UGT1A3: variants seen among roughly 807,000 people sequenced by gnomAD.
The protein encoded by UGT1A3 is UDP glucuronosyltransferase family 1 member A3, also known as UDP-glucuronosyltransferase 1A3.
In UGT1A3, 31 loss-of-function variants were observed where a neutral mutation model predicts 41.0. The observed-to-expected ratio is 0.76, with a 90% CI of 0.57 to 1.02. UGT1A3 has a LOEUF of 1.02. UGT1A3 is among the 50% of genes least tolerant of loss of function. UGT1A3 has a pLI of 0.00. For missense variants in UGT1A3, 737 were observed against 671.0 expected (o/e 1.10, Z -1.09); for synonymous variants, 262 against 257.6 (o/e 1.02, Z -0.17).
chr2:233,764,393 C>G (rs1698551622), intron 1 of UGT1A3, among the ~76,000 whole-genome samples: 7 of 152,218 alleles, frequency 4.6e-5, no homozygotes. Context: ...GCCGTGATGA[C>G]AACTTCTCTG....
intron 1 of UGT1A3, among the ~76,000 whole-genome samples, chr2:233,761,318 C>T (rs1697742330): frequency 6.6e-6 from 1 of 152,218 alleles, no homozygotes; most frequent in South Asian, 2.1e-4. Context: ...TTGGCATCAT[C>T]TTCTGGATGA....
chr2:233,768,011 A>C lies in UGT1A3; in HGVS notation c.1087+75A>C, dbSNP rs1159299269. On this transcript the variant is annotated intron_variant, in intron 3 of 4. Coordinates refer to ENST00000482026, the MANE Select transcript of UGT1A3 (RefSeq NM_019093.4). ...AAATGGCTTAAGCACAGCTATTCTA[A>C]AGGATTGTTGAGCTTGAAAATATTA... 8 of 1,613,860 alleles carry C rather than the reference A, an allele frequency of 5.0e-6. No individual in the cohort carries two copies. In the East Asian group the frequency reaches 1.8e-4, roughly 36 times the overall value.
At chr2:233,772,194 T>C (rs921300076) in intron 4 of UGT1A3, 68 bp from the exon 5 acceptor site, 7 of 1,602,000 alleles carry the variant, frequency 4.4e-6, no homozygotes, top group Non-Finnish European at 6.0e-6. Context: ...TAAGCAGCCA[T>C]GAGCATAAAG....
chr2:233,729,337 G>C lies in UGT1A3; in HGVS notation c.211G>C (p.Glu71Gln), dbSNP rs775234844. ...LTPEVNMHIK[E>Q]ENFFTLTTYA... ...CCCAGAGGTGAATATGCACATCAAA[G>C]AAGAGAACTTTTTCACCCTGACAAC... The change falls in exon 1 of 5, where the codon GAA becomes CAA. Residue 71 changes from glutamate to glutamine, a missense_variant. By Grantham distance (29) the Glu-to-Gln change is conservative. Transcript: ENST00000482026. The C allele has an allele frequency of 6.8e-6, 11 of 1,614,232 alleles. No homozygotes were observed. Among genetic ancestry groups the C allele is most frequent in the African/African-American group, 5.3e-5 (4 of 75,078 alleles).
At chr2:233,747,515 T>C in intron 1 of UGT1A3, 2 of 1,607,616 alleles carry the variant, frequency 1.2e-6, no homozygotes, top group Non-Finnish European at 1.7e-6. Context: ...AACTGTACTT[T>C]GAAACAGAAC....
In UGT1A3 at chr2:233,772,305, C is replaced by T. The variant is rs201427749; in HGVS notation, c.1351C>T (p.Arg451Cys). Reference protein sequence around the residue: ...IMRLSSLHKDRPVEPLDLAVF... With the variant: ...IMRLSSLHKDCPVEPLDLAVF... Reference sequence around the variant, plus strand: ...GCGCCTCTCCAGCCTTCACAAGGACCGCCCGGTGGAGCCGCTGGACCTGGC... The same window carrying T: ...GCGCCTCTCCAGCCTTCACAAGGACTGCCCGGTGGAGCCGCTGGACCTGGC... Residue 451 changes from arginine to cysteine, a missense_variant, in exon 5 of 5, where the codon CGC (arginine) becomes TGC (cysteine). Physicochemically the swap from Arg to Cys is radical, Grantham distance 180. Transcript: ENST00000482026. 2.9e-5 allele frequency: 47 copies of T among 1,614,194 alleles called. No individual in the cohort carries two copies. Among genetic ancestry groups the T allele is most frequent in the Middle Eastern group, 1.6e-4 (1 of 6,062 alleles).
chr2:233,753,954 T>C (rs1695355745), intron 1 of UGT1A3, among the ~76,000 whole-genome samples: 2 of 152,202 alleles, frequency 1.3e-5, no homozygotes, highest in Admixed American at 1.3e-4. Flanking sequence ...ACCTCCAAAA[T>C]ATTAAGAGAA....
chr2:233,762,650 A>G (rs1191446046), intron 1 of UGT1A3, among the ~76,000 whole-genome samples: 5 of 151,336 alleles, frequency 3.3e-5, no homozygotes, highest in Admixed American at 2.6e-4. Context: ...AAGATAAGCT[A>G]TTTTGTAGTT....
At chr2:233,757,716 G>A (rs1426066067) in intron 1 of UGT1A3, among the ~76,000 whole-genome samples, 1 of 151,612 alleles carries the variant, frequency 6.6e-6, no homozygotes, top group African/African-American at 2.4e-5. Context: ...TCCCGGGAGG[G>A]TCCTGTAGAT....
Position 233,768,226 on chromosome 2 carries a change from C to A in UGT1A3, c.1094C>A (p.Pro365Gln). The A allele has an allele frequency of 6.2e-7, 1 of 1,614,202 alleles. No homozygotes were observed. The highest frequency in any genetic ancestry group is 8.5e-7 in the Non-Finnish European group (1 of 1,180,042). ...TCCCTATTTTGCATCTCAGGTCACC[C>A]GATGACCCGTGCCTTTATCACCCAT... ...WLPQNDLLGH[P>Q]MTRAFITHAG... Residue 365 changes from proline to glutamine, a missense_variant, in exon 4 of 5, where the codon CCG becomes CAG. Coordinates refer to ENST00000482026, the MANE Select transcript of UGT1A3 (RefSeq NM_019093.4).
At chr2:233,766,444 G>A (rs1260169711) in intron 1 of UGT1A3, among the ~76,000 whole-genome samples, 1 of 152,210 alleles carries the variant, frequency 6.6e-6, no homozygotes, top group African/African-American at 2.4e-5. Context: ...CTGTGTGTCT[G>A]CCTGCTAGGG....
rs45449797 is a variant in UGT1A3, at chr2:233,730,263, G to A, written c.867+270G>A. ...ACTGGTGTGACTCATAGAGACTGTT[G>A]GTTTGTAAAGGCACCATCTTCATGG... is the stretch of plus-strand genomic sequence containing the variant. On this transcript the variant is annotated intron_variant, in intron 1 of 4. Coordinates refer to ENST00000482026, the MANE Select transcript of UGT1A3 (RefSeq NM_019093.4). 4.3e-4 allele frequency among the ~76,000 whole-genome samples: 66 copies of A among 152,188 alleles called. 2 individuals are homozygous for A. In the East Asian group the frequency reaches 0.011, roughly 26 times the overall value.
At position 233,769,005 on chromosome 2, in the gene UGT1A3, C is replaced by G. The variant is rs929159668; in HGVS notation, c.1307+566C>G. 2.0e-5 allele frequency among the ~76,000 whole-genome samples: 3 copies of G among 152,020 alleles called. No individual in the cohort carries two copies. Among genetic ancestry groups the G allele is most frequent in the South Asian group, 4.2e-4 (2 of 4,812 alleles). ...TATTTCCCCCATTAGATTTAAAACT[C>G]CAATTTACATAAAAAGTTGCCATAA... On this transcript the variant is annotated intron_variant, in intron 4 of 4. Transcript: ENST00000482026. This position sits in a 1 kb window ranked among gnomAD's most constrained non-coding sequence, Gnocchi z 4.4.
At chr2:233,747,480 G>T in intron 1 of UGT1A3, 2 of 1,608,986 alleles carry the variant, frequency 1.2e-6, no homozygotes, top group Non-Finnish European at 1.7e-6. Context: ...GGATGAATTT[G>T]ATCGCCTTGT....
chr2:233,763,863 G>A (rs1486150283), intron 1 of UGT1A3, among the ~76,000 whole-genome samples: 2 of 152,132 alleles, frequency 1.3e-5, no homozygotes, highest in Non-Finnish European at 1.5e-5. Flanking sequence ...ACAGACAATC[G>A]CAATGCTGGG....
At position 233,769,650 on chromosome 2, in the gene UGT1A3, C is replaced by T. The variant is rs895944755; in HGVS notation, c.1307+1211C>T. The T allele has an allele frequency of 1.9e-6, 3 of 1,606,450 alleles. No homozygotes were observed. The South Asian group carries it at 3.3e-5, about 18-fold the overall frequency. The stretch of plus-strand genomic sequence containing the variant: ...ACAACAGGGGAGGACTGATGACTGA[C>T]TTCCCACCTTTGAGGTGCTAATGTG... On this transcript the variant is annotated intron_variant, in intron 4 of 4. Transcript: ENST00000482026. The surrounding 1 kb of genome is among the most constrained non-coding windows in gnomAD (Gnocchi z 4.4).
Position 233,743,742 on chromosome 2 carries a change from C to A in UGT1A3, c.867+13749C>A, listed in dbSNP as rs377755645. 6 of 1,367,276 alleles carry A rather than the reference C, an allele frequency of 4.4e-6. No individual in the cohort carries two copies. The Admixed American group carries it at 1.1e-4, about 26-fold the overall frequency. The allele number at this position is 1,367,276 out of a possible 1,614,324, so 84.7% of individuals were successfully genotyped here. ...CGGTCATAGATATCGCGTTTCTTGG[C>A]GTCCGACAACACCTCGTAGGCCTCG... On this transcript the variant is annotated intron_variant, in intron 1 of 4. Coordinates refer to ENST00000482026, the MANE Select transcript of UGT1A3 (RefSeq NM_019093.4).
rs545970311 is a variant in UGT1A3, at chr2:233,731,854, C to T, written c.867+1861C>T. On this transcript the variant is annotated intron_variant, in intron 1 of 4. Coordinates refer to ENST00000482026, the MANE Select transcript of UGT1A3 (RefSeq NM_019093.4). The stretch of plus-strand genomic sequence containing the variant: ...TTCTAGTTCTAGGTCCTTGAGGAAT[C>T]GCCACACTGTCTTCCACAATGGTTG... 1.3e-4 allele frequency among the ~76,000 whole-genome samples: 20 copies of T among 152,300 alleles called. No individual in the cohort carries two copies. The East Asian group carries it at 2.7e-3, about 21-fold the overall frequency.
At chr2:233,760,250 G>T in intron 1 of UGT1A3, 1 of 1,601,220 alleles carries the variant, frequency 6.2e-7, no homozygotes. Context: ...ATATATATAA[G>T]TAGGAGAGGG....
Sources: allele counts gnomAD v4.1 joint callset (sites outside exome capture counted in the v4.1 genomes callset), GRCh38; gene constraint gnomAD v4.1.1; non-coding constraint Gnocchi (gnomAD v3.1); transcripts MANE v1.5; gene names NCBI Gene and HGNC (gene_info 2026-07-23, HGNC 2026-07-21).